The following RB1 variants were observed in gnomAD, a reference collection of about 807,000 sequenced individuals.
The protein encoded by RB1 is retinoblastoma-associated protein.
RB1 carries 18 observed loss-of-function variants against 135.4 expected under a neutral mutation model. That is an observed-to-expected ratio of 0.13 (90% CI 0.09 to 0.20). The LOEUF (loss-of-function observed/expected upper bound fraction) is 0.20. Among genes scored for constraint, RB1 ranks in the 10% least tolerant of loss-of-function variants. The pLI is 1.00. For synonymous variants in RB1, 365 were observed against 373.2 expected (o/e 0.98, Z 0.25); for missense variants, 868 against 1,110.0 (o/e 0.78, Z 3.10).
At chr13:48,327,562 C>T (rs1952298829) in intron 2 of RB1, among the ~76,000 whole-genome samples, 1 of 152,098 alleles carries the variant, frequency 6.6e-6, no homozygotes, top group Admixed American at 6.5e-5. Context: ...TGAAAGAAAA[C>T]AAATGCCCAT....
chr13:48,333,312 A>G (rs1339251526), intron 2 of RB1: 3 of 356,172 alleles, frequency 8.4e-6, no homozygotes, highest in Non-Finnish European at 1.0e-5. Context: ...TCTGAGTTGT[A>G]GGAATTAATC....
intron 2 of RB1, chr13:48,340,773 T>A (rs1444397807): frequency 6.2e-6 from 1 of 160,690 alleles, no homozygotes; most frequent in Non-Finnish European, 1.4e-5. Context: ...ATTGACCATA[T>A]TAACATAAAC....
rs1948837159 is a variant in RB1 at position 48,412,674 on chromosome 13, C to A, written c.1695+31231C>A. The A allele has an allele frequency of 5.6e-6, 3 of 532,068 alleles. No individual in the cohort carries two copies. In the Middle Eastern group the frequency reaches 1.6e-3, roughly 288 times the overall value. 33.0% of individuals were successfully genotyped at this position (532,068 alleles called of 1,614,324 possible). A position where few individuals can be genotyped will look rare whatever the true frequency, so the allele number is the denominator to read the frequency against. On this transcript the variant is annotated intron_variant, in intron 17 of 26. Transcript: ENST00000267163. Reference sequence around the variant, plus strand: ...TTAGTCTTTAGAAAATCCATGAATTCCAAGGCTCAGTTAACTGACGAGCAA... The same window carrying A: ...TTAGTCTTTAGAAAATCCATGAATTACAAGGCTCAGTTAACTGACGAGCAA...
At chr13:48,400,166 C>T (rs992966032) in intron 17 of RB1, among the ~76,000 whole-genome samples, 2 of 152,094 alleles carry the variant, frequency 1.3e-5, no homozygotes, top group Non-Finnish European at 2.9e-5. Flanking sequence ...AGACCAGCAT[C>T]AAAATAACTC....
Position 48,367,610 on chromosome 13 carries a change from C to A in RB1, c.1049+7C>A, listed in dbSNP as rs1301800960. 6.2e-7 allele frequency: 1 copy of A among 1,600,692 alleles called. No homozygotes were observed. Among genetic ancestry groups the A allele is most frequent in the Non-Finnish European group, 8.5e-7 (1 of 1,171,826 alleles). The stretch of plus-strand genomic sequence containing the variant: ...AGACTGATTCTATAGACAGGTATTG[C>A]ACATGGTATATTTGATTGATTTGCT... On this transcript the variant is annotated splice_region_variant and intron_variant, in intron 10 of 26. Transcript: ENST00000267163.
chr13:48,316,896 C>T (rs1336903377), intron 2 of RB1: 9 of 344,972 alleles, frequency 2.6e-5, no homozygotes, highest in South Asian at 8.6e-5. Flanking sequence ...GTCCTCCGTG[C>T]GCGGAGTGTC....
chr13:48,390,176 AAAAC>A (rs991749085), intron 17 of RB1, among the ~76,000 whole-genome samples: 2 of 152,160 alleles, frequency 1.3e-5, no homozygotes, highest in African/African-American at 4.8e-5. Context: ...AAACAACCCC[AAAAC>A]AAACAAACAA....
At chr13:48,390,840 C>T (rs989521883) in intron 17 of RB1, among the ~76,000 whole-genome samples, 7 of 152,052 alleles carry the variant, frequency 4.6e-5, no homozygotes, top group African/African-American at 1.2e-4. Context: ...TTAACTTATA[C>T]GTGTCTTTAT....
intron 16 of RB1, 109 bp from the exon 17 acceptor site, chr13:48,381,138 A>G (rs1948531679): frequency 7.1e-7 from 1 of 1,414,626 alleles, no homozygotes; most frequent in Non-Finnish European, 9.4e-7. Flanking sequence ...TCTAAATAAA[A>G]ATGGTTTAAC....
chr13:48,316,907 G>T, intron 2 of RB1: 1 of 359,732 alleles, frequency 2.8e-6, no homozygotes, highest in Non-Finnish European at 5.5e-6. Flanking sequence ...GCGGAGTGTC[G>T]CTGAAGTCAC....
rs80175359 is a variant in RB1, at chr13:48,400,462, A to G, written c.1695+19019A>G. Among the ~76,000 whole-genome samples the G allele has an allele frequency of 9.5e-4, 145 of 152,144 alleles. No individual in the cohort carries two copies. The Middle Eastern group carries it at 0.01, about 11-fold the overall frequency. On this transcript the variant is annotated intron_variant, in intron 17 of 26. Coordinates refer to ENST00000267163, the MANE Select transcript of RB1 (RefSeq NM_000321.3). The stretch of plus-strand genomic sequence containing the variant: ...AGTGTATATTAGTTTACTGTTTGGT[A>G]TGTGCATTGTCATGATTCGTTTATT...
intron 20 of RB1, among the ~76,000 whole-genome samples, chr13:48,461,656 T>A (rs1479443791): frequency 6.6e-6 from 1 of 151,902 alleles, no homozygotes; most frequent in Non-Finnish European, 1.5e-5. Flanking sequence ...CCAACTTTTT[T>A]ATCTTTTTTT....
At chr13:48,361,305 A>C (rs7325849) in intron 7 of RB1, among the ~76,000 whole-genome samples, 44 of 152,276 alleles carry the variant, frequency 2.9e-4, no homozygotes, top group African/African-American at 1.1e-3. Flanking sequence ...ATGGGGTATT[A>C]TTGAACTGAC....
At chr13:48,460,772 GC>G (rs1949400199) in intron 20 of RB1, among the ~76,000 whole-genome samples, 1 of 152,068 alleles carries the variant, frequency 6.6e-6, no homozygotes, top group African/African-American at 2.4e-5. Context: ...ACCAGCCTGG[GC>G]AACCTGGCAA....
intron 5 of RB1, 23 bp downstream of exon 5, chr13:48,347,886 T>C: frequency 6.4e-7 from 1 of 1,551,326 alleles, no homozygotes; most frequent in Non-Finnish European, 8.9e-7. Context: ...CAGAATGTTA[T>C]TTTTCACTTA....
chr13:48,465,712 G>A (rs550709973), intron 23 of RB1, among the ~76,000 whole-genome samples: 4 of 151,578 alleles, frequency 2.6e-5, no homozygotes, highest in African/African-American at 7.3e-5. Flanking sequence ...CACCGTGTGC[G>A]AGCCGAAGCA....
At chr13:48,473,470 T>C in intron 24 of RB1, 80 bp downstream of exon 24, 1 of 1,268,512 alleles carries the variant, frequency 7.9e-7, no homozygotes, top group Non-Finnish European at 1.1e-6. Context: ...AATTTGAATT[T>C]CCAAATGCAG....
intron 2 of RB1, among the ~76,000 whole-genome samples, chr13:48,334,678 ATAG>A (rs959199541): frequency 6.6e-6 from 1 of 152,170 alleles, no homozygotes; most frequent in African/African-American, 2.4e-5. Context: ...GACAGCATAC[ATAG>A]TAGTACTTTT....
intron 6 of RB1, among the ~76,000 whole-genome samples, chr13:48,350,811 A>G (rs1340215351): frequency 2.0e-5 from 3 of 152,150 alleles, no homozygotes; most frequent in Non-Finnish European, 4.4e-5. Context: ...GCTCCCACTT[A>G]TAAGTGAGGC....
Sources: allele counts gnomAD v4.1 joint callset (sites outside exome capture counted in the v4.1 genomes callset), GRCh38; gene constraint gnomAD v4.1.1; transcripts MANE v1.5; gene names NCBI Gene and HGNC (gene_info 2026-07-23, HGNC 2026-07-21).